PATJ: variants seen among roughly 807,000 people sequenced by gnomAD.
PATJ encodes the protein inaD-like protein.
Under a neutral mutation model 224.9 loss-of-function variants are expected in PATJ, and 190 were observed. The ratio of observed to expected loss-of-function variants is 0.84; its 90% CI spans 0.75 to 0.95. The LOEUF (loss-of-function observed/expected upper bound fraction) is 0.95. Ranked by LOEUF, PATJ falls within the 40% of genes least tolerant of loss-of-function variation. The pLI, the probability that PATJ is intolerant of heterozygous loss-of-function variation, is 0.00. For synonymous variants in PATJ, 769 were observed against 820.3 expected (o/e 0.94, Z 1.07); for missense variants, 2,121 against 2,270.3 (o/e 0.93, Z 1.34).
intron 1 of PATJ, among the ~76,000 whole-genome samples, chr1:61,761,860 A>AT (rs1193309947): frequency 1.3e-5 from 2 of 151,064 alleles, no homozygotes; most frequent in Admixed American, 6.6e-5. Flanking sequence ...TGATTTTTGA[A>AT]TTTTTTTTGT....
intron 18 of PATJ, among the ~76,000 whole-genome samples, chr1:61,859,502 A>G (rs1372462722): frequency 6.6e-6 from 1 of 151,924 alleles, no homozygotes; most frequent in Non-Finnish European, 1.5e-5. Context: ...TAGTGATTCA[A>G]GGAACCAGGC....
chr1:62,027,537 T>A lies in PATJ; in HGVS notation c.3959+9590T>A, dbSNP rs12138433. On this transcript the variant is annotated intron_variant, in intron 29 of 43. Transcript: ENST00000642238. ...TCTATTTTTAATTTTCTGAGGAACC[T>A]CCATACTGTTTTCCATAGTTGCTGT... is the stretch of plus-strand genomic sequence containing the variant. 9.6e-3 allele frequency among the ~76,000 whole-genome samples: 1,457 copies of A among 151,942 alleles called. 16 individuals carry two copies. Among genetic ancestry groups the A allele is most frequent in the Non-Finnish European group, 0.016 (1,082 of 67,944 alleles).
chr1:62,039,835 G>A (rs1338344326), intron 30 of PATJ, among the ~76,000 whole-genome samples: 1 of 152,096 alleles, frequency 6.6e-6, no homozygotes, highest in Non-Finnish European at 1.5e-5. Flanking sequence ...CTTATCTACT[G>A]GGCAGTCGAG....
chr1:61,959,019 C>T (rs1230846075), intron 27 of PATJ, among the ~76,000 whole-genome samples: 1 of 151,994 alleles, frequency 6.6e-6, no homozygotes, highest in Non-Finnish European at 1.5e-5. Flanking sequence ...CTGCTAATCC[C>T]TTGAATTTTC....
chr1:61,831,711 A>G (rs1000305443), intron 16 of PATJ, among the ~76,000 whole-genome samples: 1 of 152,214 alleles, frequency 6.6e-6, no homozygotes, highest in Non-Finnish European at 1.5e-5. Flanking sequence ...GAGAAAAGGA[A>G]ACAATTAGCA....
intron 30 of PATJ, chr1:62,039,116 T>C (rs572438690): frequency 3.0e-6 from 2 of 675,964 alleles, no homozygotes; most frequent in South Asian, 2.9e-5. Context: ...TCTTGATGGC[T>C]CGTATCTGTT....
chr1:61,847,498 G>A lies in PATJ; in HGVS notation c.2113-8532G>A, dbSNP rs144681322. On this transcript the variant is annotated intron_variant, in intron 17 of 43. Transcript: ENST00000642238. The stretch of plus-strand genomic sequence containing the variant: ...AATAAGACACAAGGAGCCAGGAACC[G>A]TATCAGTTTAATCTATCTTGAGTGG... 6.8e-4 allele frequency among the ~76,000 whole-genome samples: 103 copies of A among 152,290 alleles called. No homozygotes were observed. The East Asian group carries it at 0.016, about 24-fold the overall frequency.
At chr1:61,914,036 A>G (rs1321988810) in intron 25 of PATJ, among the ~76,000 whole-genome samples, 2 of 152,224 alleles carry the variant, frequency 1.3e-5, no homozygotes, top group Non-Finnish European at 2.9e-5. Flanking sequence ...ATAATATTTT[A>G]GAGTTATGTA....
At chr1:61,967,661 G>A (rs1180495951) in intron 27 of PATJ, among the ~76,000 whole-genome samples, 2 of 152,192 alleles carry the variant, frequency 1.3e-5, no homozygotes, top group Non-Finnish European at 2.9e-5. Context: ...AGTATTAAAT[G>A]AGATGATTTA....
At chr1:62,024,213 A>G (rs147988132) in intron 29 of PATJ, among the ~76,000 whole-genome samples, 106 of 152,338 alleles carry the variant, frequency 7.0e-4, no homozygotes, top group Non-Finnish European at 1.3e-3. Context: ...CTGGCTTCAT[A>G]GAATGAGTTA....
chr1:62,103,002 C>T (rs1026071380), intron 33 of PATJ, among the ~76,000 whole-genome samples: 1 of 152,006 alleles, frequency 6.6e-6, no homozygotes, highest in Non-Finnish European at 1.5e-5. Context: ...TACAGATCAT[C>T]GCCTCGCCTC....
At chr1:61,782,483 C>T (rs1437645580) in intron 7 of PATJ, among the ~76,000 whole-genome samples, 1 of 152,128 alleles carries the variant, frequency 6.6e-6, no homozygotes, top group African/African-American at 2.4e-5. Flanking sequence ...CATCTGACTC[C>T]AAAGCCCTTA....
chr1:61,981,966 G>A (rs1644475780), intron 27 of PATJ, among the ~76,000 whole-genome samples: 1 of 152,208 alleles, frequency 6.6e-6, no homozygotes, highest in Non-Finnish European at 1.5e-5. Flanking sequence ...ACCGCACTCA[G>A]CCTTGTTGCG....
At chr1:61,915,987 G>T (rs369566337) in intron 26 of PATJ, among the ~76,000 whole-genome samples, 7 of 152,122 alleles carry the variant, frequency 4.6e-5, no homozygotes, top group African/African-American at 1.4e-4. Context: ...GAGCTGCTGC[G>T]CCTGGCCTAT....
At chr1:62,153,870 A>C (rs1468474127) in intron 43 of PATJ, among the ~76,000 whole-genome samples, 1 of 152,078 alleles carries the variant, frequency 6.6e-6, no homozygotes, top group African/African-American at 2.4e-5. Flanking sequence ...TGAGGCAGAA[A>C]GGTTTGTGCT....
intron 32 of PATJ, among the ~76,000 whole-genome samples, chr1:62,079,807 T>TCAGTAGGTCAGGAGTA (rs1025692560): frequency 1.1e-4 from 17 of 152,092 alleles, no homozygotes; most frequent in African/African-American, 4.1e-4. Flanking sequence ...GAACAGGACC[T>TCAGTAGGTCAGGAGTA]CAGTAGGTCA....
At chr1:61,908,507 A>G in intron 25 of PATJ, 25 bp downstream of exon 25, 1 of 1,453,340 alleles carries the variant, frequency 6.9e-7, no homozygotes, top group Non-Finnish European at 9.7e-7. Context: ...ATATTTTCAA[A>G]AAGTTTAACA....
intron 22 of PATJ, among the ~76,000 whole-genome samples, chr1:61,893,548 C>T (rs1302586960): frequency 6.7e-6 from 1 of 149,932 alleles, no homozygotes; most frequent in Non-Finnish European, 1.5e-5. Flanking sequence ...TGCCCATGAT[C>T]CCAACACTTT....
chr1:62,073,065 G>T, intron 31 of PATJ: 1 of 985,258 alleles, frequency 1.0e-6, no homozygotes, highest in Non-Finnish European at 1.2e-6. Flanking sequence ...TGGCAGATCA[G>T]CAGAAGGCAC....
Sources: allele counts gnomAD v4.1 joint callset (sites outside exome capture counted in the v4.1 genomes callset), GRCh38; gene constraint gnomAD v4.1.1; transcripts MANE v1.5; gene names NCBI Gene and HGNC (gene_info 2026-07-23, HGNC 2026-07-21).